Variants in VPS37A observed in about 807,000 individuals in gnomAD.
VPS37A encodes the protein VPS37A subunit of ESCRT-I, also known as vacuolar protein sorting-associated protein 37A.
Under a neutral mutation model 49.8 loss-of-function variants are expected in VPS37A, and 30 were observed. The ratio of observed to expected loss-of-function variants is 0.60; its 90% CI spans 0.45 to 0.82. The LOEUF (loss-of-function observed/expected upper bound fraction) is 0.82, where lower values mean the gene tolerates loss of function less well. Among genes scored for constraint, VPS37A ranks in the 40% least tolerant of loss-of-function variants. The pLI is 0.00. For missense variants in VPS37A, 593 were observed against 464.4 expected, an observed-to-expected ratio of 1.28 and a Z score of -2.55; for synonymous variants, 195 against 160.6, an observed-to-expected ratio of 1.21 and a Z score of -1.62.
chr8:17,297,763 G>T lies in VPS37A; in HGVS notation c.*2777G>T, dbSNP rs1816803323. 2 of 151,950 alleles carry T rather than the reference G, an allele frequency of 1.3e-5. No homozygotes were observed. The highest frequency in any genetic ancestry group is 4.1e-4 in the South Asian group (2 of 4,830). The allele number at this position is 151,950 out of a possible 1,614,324, so 9.4% of individuals were successfully genotyped here. ...ATTTTAGTCTTGTTGGGTTAGCCATGCTCTGAAGAATCTGTGAAAGTACAG... is the reference window on the plus strand; with the variant it reads ...ATTTTAGTCTTGTTGGGTTAGCCATTCTCTGAAGAATCTGTGAAAGTACAG... On this transcript the variant is annotated 3_prime_UTR_variant, in exon 12 of 12. Coordinates refer to ENST00000324849, the MANE Select transcript of VPS37A (RefSeq NM_152415.3).
chr8:17,301,932 T>G, downstream of VPS37A: 3 of 456,046 alleles, frequency 6.6e-6, no homozygotes, highest in Non-Finnish European at 1.1e-5. Flanking sequence ...AACCAAAAAT[T>G]TGTGGAACTG....
At chr8:17,321,586 A>G in the VPS37A span, among the ~76,000 whole-genome samples, 1 of 152,246 alleles carries the variant, frequency 6.6e-6, no homozygotes, top group Non-Finnish European at 1.5e-5. Flanking sequence ...CAAAGCGATT[A>G]GCGCCTGGAT....
the VPS37A span, among the ~76,000 whole-genome samples, chr8:17,310,096 G>A: frequency 6.6e-6 from 1 of 152,096 alleles, no homozygotes; most frequent in Non-Finnish European, 1.5e-5. Context: ...GACCTCCTGA[G>A]CTCGAGCGAT....
the VPS37A span, among the ~76,000 whole-genome samples, chr8:17,331,808 T>C: frequency 6.6e-6 from 1 of 152,168 alleles, no homozygotes; most frequent in Admixed American, 6.5e-5. Context: ...TGAGCAGGAA[T>C]TACTGAATAA....
chr8:17,321,389 G>C, the VPS37A span, among the ~76,000 whole-genome samples: 2 of 152,214 alleles, frequency 1.3e-5, no homozygotes, highest in Non-Finnish European at 2.9e-5. Flanking sequence ...AAGGCTTCTT[G>C]TTCAACATTT....
At chr8:17,331,216 T>TGATATTGG in the VPS37A span, 1 of 1,612,932 alleles carries the variant, frequency 6.2e-7, no homozygotes, top group Non-Finnish European at 8.5e-7. Flanking sequence ...AACTGAAACT[T>TGATATTGG]GATATTGGAA....
chr8:17,326,986 G>T, the VPS37A span, among the ~76,000 whole-genome samples: 1 of 152,218 alleles, frequency 6.6e-6, no homozygotes, highest in Admixed American at 6.5e-5. Context: ...GTAATGCAGT[G>T]ACCATTCTGC....
intron 1 of VPS37A, among the ~76,000 whole-genome samples, chr8:17,262,509 A>G (rs1043359098): frequency 3.9e-5 from 6 of 152,168 alleles, no homozygotes; most frequent in Non-Finnish European, 7.4e-5. Flanking sequence ...TAGAAAATGA[A>G]ATTATTAATT....
Position 17,248,110 on chromosome 8 carries a change from G to A in VPS37A, c.125+741G>A. On this transcript the variant is annotated intron_variant, in intron 1 of 11. Transcript: ENST00000324849. ...AACTTTTACTGTAAATTGGTTTGCTGCAGCCTTTTACATTGCAAATGTCTA... is the reference window on the plus strand; with the variant it reads ...AACTTTTACTGTAAATTGGTTTGCTACAGCCTTTTACATTGCAAATGTCTA... 2 of 359,734 alleles carry A rather than the reference G, an allele frequency of 5.6e-6. 1 individual carries two copies. Among genetic ancestry groups the A allele is most frequent in the South Asian group, 4.5e-5 (2 of 44,340 alleles). 22.3% of individuals were successfully genotyped at this position (359,734 alleles called of 1,614,324 possible).
At chr8:17,262,747 A>G (rs890149313) in intron 1 of VPS37A, among the ~76,000 whole-genome samples, 2 of 152,170 alleles carry the variant, frequency 1.3e-5, no homozygotes, top group African/African-American at 4.8e-5. Context: ...ACCATATACT[A>G]CAACATTATG....
In VPS37A at chr8:17,268,938, C is replaced by G. The variant is rs757735101; in HGVS notation, c.398C>G (p.Thr133Ser). The change falls in exon 4 of 12, where the codon ACT (threonine) becomes AGT (serine). Residue 133 changes from threonine to serine, a missense_variant. Physicochemically the swap from Thr to Ser is moderately conservative, Grantham distance 58. Transcript: ENST00000324849. ...AAGAATCCTCCAGTTTTAGCTCCTA[C>G]TTCAACAGCATTTCCTTAGTAAGTA... ...FWKNPPVLAP[T>S]STAFPYLYSN... 38 of 1,605,796 alleles carry G rather than the reference C, an allele frequency of 2.4e-5. No individual in the cohort carries two copies. The highest frequency in any genetic ancestry group is 5.1e-5 in the Admixed American group (3 of 58,356).
chr8:17,305,650 T>C (rs913412485), downstream of VPS37A: 3 of 898,514 alleles, frequency 3.3e-6, no homozygotes, highest in Non-Finnish European at 5.1e-6. Flanking sequence ...AGTATAGGTA[T>C]GTGACTAAAT....
At chr8:17,279,864 G>A (rs1196150898) in intron 6 of VPS37A, 164 bp from the exon 7 acceptor site, 1 of 793,564 alleles carries the variant, frequency 1.3e-6, no homozygotes, top group South Asian at 1.4e-5. Context: ...CATTGTGGTT[G>A]ATGTTTTATT....
At chr8:17,313,286 G>C in the VPS37A span, 2 of 1,597,914 alleles carry the variant, frequency 1.3e-6, no homozygotes, top group Non-Finnish European at 1.7e-6. Flanking sequence ...CTCTGCAATT[G>C]CATACCTTTG....
intron 11 of VPS37A, among the ~76,000 whole-genome samples, chr8:17,293,430 T>C (rs1053080887): frequency 6.6e-6 from 1 of 152,136 alleles, no homozygotes; most frequent in Non-Finnish European, 1.5e-5. Flanking sequence ...AAGGAGTTTA[T>C]TACCCACCTT....
intron 4 of VPS37A, among the ~76,000 whole-genome samples, chr8:17,272,260 C>A (rs1239660569): frequency 1.3e-5 from 2 of 152,146 alleles, no homozygotes; most frequent in African/African-American, 4.8e-5. Flanking sequence ...CAAAGCTACT[C>A]CCACACTTTA....
At chr8:17,271,605 C>CA (rs879826579) in intron 4 of VPS37A, among the ~76,000 whole-genome samples, 51 of 144,758 alleles carry the variant, frequency 3.5e-4, no homozygotes, top group South Asian at 1.3e-3. Flanking sequence ...GACTCCGTCT[C>CA]AAAAAAAAAA....
chr8:17,247,626 T>C (rs773574756), intron 1 of VPS37A: 10 of 705,236 alleles, frequency 1.4e-5, no homozygotes, highest in Middle Eastern at 2.3e-4. Flanking sequence ...ACATAGCTGC[T>C]GACTGTAATC....
chr8:17,301,853 T>C (rs1817136648), downstream of VPS37A: 3 of 406,528 alleles, frequency 7.4e-6, no homozygotes, highest in Non-Finnish European at 8.6e-6. Flanking sequence ...TTTCACACTT[T>C]CCAGAAAAAA....
Sources: gnomAD v4.1 joint callset for allele counts (sites outside exome capture counted in the v4.1 genomes callset) on GRCh38, gnomAD v4.1.1 for gene constraint, MANE v1.5 for transcripts, NCBI Gene and HGNC (gene_info 2026-07-23, HGNC 2026-07-21) for gene names.